KANSL1: variants seen among roughly 807,000 people sequenced by gnomAD.
KANSL1 encodes the protein MLL1/MLL complex subunit KANSL1.
A neutral mutation model predicts 103.6 loss-of-function variants in KANSL1; 22 were observed. That is an observed-to-expected ratio of 0.21 (90% CI 0.15 to 0.30). The LOEUF (loss-of-function observed/expected upper bound fraction) is 0.30. Among genes scored for constraint, KANSL1 ranks in the 10% least tolerant of loss-of-function variants. KANSL1 has a pLI of 1.00. For synonymous variants in KANSL1, 600 were observed against 527.6 expected (o/e 1.14, Z -1.88); for missense variants, 1,337 against 1,399.8 (o/e 0.96, Z 0.72).
At chr17:46,220,098 G>A (rs1173275363) in intron 1 of KANSL1, among the ~76,000 whole-genome samples, 4 of 151,944 alleles carry the variant, frequency 2.6e-5, no homozygotes, top group Non-Finnish European at 4.4e-5. Context: ...GTGAGGCTCC[G>A]TCTCAAAAAA....
At chr17:46,105,112 C>T (rs1411684601) in intron 2 of KANSL1, among the ~76,000 whole-genome samples, 1 of 152,192 alleles carries the variant, frequency 6.6e-6, no homozygotes, top group Non-Finnish European at 1.5e-5. Flanking sequence ...CGCACATGGC[C>T]TACTGTGTCT....
intron 2 of KANSL1, among the ~76,000 whole-genome samples, chr17:46,159,936 A>G (rs2147604896): frequency 6.6e-6 from 1 of 152,366 alleles, no homozygotes; most frequent in Non-Finnish European, 1.5e-5. Context: ...GTGTGGTCAG[A>G]GAGCTGTCTA....
intron 10 of KANSL1, chr17:46,037,923 T>C (rs1358232527): frequency 6.6e-6 from 1 of 151,966 alleles, no homozygotes; most frequent in African/African-American, 2.4e-5. Context: ...CCAGATGGAG[T>C]GTGGTATCGT....
chr17:46,042,591 A>G (rs2077363003), intron 7 of KANSL1: 2 of 152,216 alleles, frequency 1.3e-5, no homozygotes, highest in Admixed American at 1.3e-4. Flanking sequence ...AGGATTCTGT[A>G]GTAAAGTCAA....
intron 1 of KANSL1, among the ~76,000 whole-genome samples, chr17:46,216,224 C>T (rs2048334141): frequency 6.6e-6 from 1 of 152,162 alleles, no homozygotes; most frequent in African/African-American, 2.4e-5. Flanking sequence ...CTAAGGCATT[C>T]CTCATAAACT....
chr17:46,080,415 C>T (rs913168456), intron 4 of KANSL1, among the ~76,000 whole-genome samples: 1 of 149,568 alleles, frequency 6.7e-6, no homozygotes, highest in African/African-American at 2.5e-5. Flanking sequence ...GGTATGAAAA[C>T]CTACAGTTGC....
At chr17:46,204,311 A>G (rs2047896009) in intron 1 of KANSL1, among the ~76,000 whole-genome samples, 1 of 151,978 alleles carries the variant, frequency 6.6e-6, no homozygotes, top group African/African-American at 2.4e-5. Context: ...TACTAAAAAC[A>G]AAAATTAGCT....
chr17:46,031,295 G>C lies in KANSL1; in HGVS notation c.*181C>G. The C allele has an allele frequency of 1.5e-6, 1 of 671,486 alleles. No homozygotes were observed. The highest frequency in any genetic ancestry group is 2.0e-5 in the South Asian group (1 of 49,980). 41.6% of individuals were successfully genotyped at this position (671,486 alleles called of 1,614,324 possible). A position where few individuals can be genotyped will look rare whatever the true frequency, so the allele number is the denominator to read the frequency against. On this transcript the variant is annotated 3_prime_UTR_variant, in exon 15 of 15. Transcript: ENST00000432791. ...CTCAGGTGTGTGACAAGAAAACATG[G>C]AAACAAAAACAAAACAAAAATTAAA...
intron 11 of KANSL1, among the ~76,000 whole-genome samples, chr17:46,033,768 T>A (rs1239803716): frequency 6.6e-6 from 1 of 152,256 alleles, no homozygotes; most frequent in Non-Finnish European, 1.5e-5. Context: ...CAGGACCAGC[T>A]GATTGCTCCC....
At chr17:46,094,372 C>T in intron 3 of KANSL1, 188 bp downstream of exon 3, 2 of 704,366 alleles carry the variant, frequency 2.8e-6, no homozygotes, top group South Asian at 2.0e-5. Flanking sequence ...GCTGGGATCA[C>T]AAGAGTGAGC....
intron 6 of KANSL1, among the ~76,000 whole-genome samples, chr17:46,064,766 G>T (rs11079730): frequency 4.0e-5 from 6 of 151,852 alleles, no homozygotes; most frequent in Non-Finnish European, 8.8e-5. Flanking sequence ...GAATACCTAA[G>T]CTCTGGAATA....
rs71138525 is a variant in KANSL1, at chr17:46,096,311, C to CTTTTTTTTTTTTTTTTTTTT, written c.1290-1630_1290-1611dup. Among the ~76,000 whole-genome samples the CTTTTTTTTTTTTTTTTTTTT allele has an allele frequency of 3.4e-3, 257 of 76,380 alleles. 13 individuals carry two copies. The highest frequency in any genetic ancestry group is 0.01 in the East Asian group (21 of 2,072). 50.1% of individuals were successfully genotyped at this position (76,380 alleles called of 152,430 possible). A position where few individuals can be genotyped will look rare whatever the true frequency, so the allele number is the denominator to read the frequency against. On this transcript the variant is annotated intron_variant, in intron 2 of 14. Coordinates refer to ENST00000432791, the MANE Select transcript of KANSL1 (RefSeq NM_015443.4). ...CATACTACATACCTGGCTTTTTTTT[C>CTTTTTTTTTTTTTTTTTTTT]TTTTTTTTTTTTTTTTTTTTTGAGA...
rs1235137559 is a variant in KANSL1, at chr17:46,090,146, T to C, written c.1431+4414A>G. Reference sequence around the variant, plus strand: ...AAAGAGAAAGATGGTCATATGAAGATGGAGGCAGCAACTGCAGTGATGTAG... The same window carrying C: ...AAAGAGAAAGATGGTCATATGAAGACGGAGGCAGCAACTGCAGTGATGTAG... On this transcript the variant is annotated intron_variant, in intron 3 of 14. Coordinates refer to ENST00000432791, the MANE Select transcript of KANSL1 (RefSeq NM_015443.4). Among the ~76,000 whole-genome samples the C allele has an allele frequency of 2.0e-5, 3 of 152,210 alleles. No homozygotes were observed. In the East Asian group the frequency reaches 5.8e-4, roughly 29 times the overall value.
At chr17:46,191,889 T>G (rs1022229791) in intron 1 of KANSL1, among the ~76,000 whole-genome samples, 3 of 151,890 alleles carry the variant, frequency 2.0e-5, no homozygotes, top group African/African-American at 4.8e-5. Flanking sequence ...GCAGTCGGTC[T>G]GCCGACCCTA....
At chr17:46,211,544 A>G (rs1237010346) in intron 1 of KANSL1, among the ~76,000 whole-genome samples, 2 of 152,246 alleles carry the variant, frequency 1.3e-5, no homozygotes, top group African/African-American at 4.8e-5. Context: ...TTATCCTTCT[A>G]CCAAATCACA....
chr17:46,172,256 T>A, intron 1 of KANSL1, 24 bp from the exon 2 acceptor site: 1 of 1,016,374 alleles, frequency 9.8e-7, no homozygotes, highest in Non-Finnish European at 1.4e-6. Context: ...GAGAAAAGAA[T>A]ATTAGAAATA....
chr17:46,135,391 T>C (rs180820710), intron 2 of KANSL1, among the ~76,000 whole-genome samples: 5 of 130,780 alleles, frequency 3.8e-5, no homozygotes, highest in East Asian at 1.9e-4. Context: ...GTATGGAAGG[T>C]TGGCAAACAC....
intron 6 of KANSL1, among the ~76,000 whole-genome samples, chr17:46,054,268 G>A (rs766442050): frequency 1.3e-5 from 2 of 152,144 alleles, no homozygotes; most frequent in Non-Finnish European, 2.9e-5. Context: ...TGGCCAGGCT[G>A]GTCTCAAACT....
chr17:46,089,703 C>A (rs62061765), intron 3 of KANSL1, among the ~76,000 whole-genome samples: 2 of 151,986 alleles, frequency 1.3e-5, no homozygotes, highest in Non-Finnish European at 2.9e-5. Context: ...AAAAAAAACC[C>A]AAGCACTTAA....
Sources: gnomAD v4.1 joint callset for allele counts (sites outside exome capture counted in the v4.1 genomes callset) on GRCh38, gnomAD v4.1.1 for gene constraint, MANE v1.5 for transcripts, NCBI Gene and HGNC (gene_info 2026-07-23, HGNC 2026-07-21) for gene names.